The following VRK2 variants were observed in gnomAD, a reference collection of about 807,000 sequenced individuals.
The protein encoded by VRK2 is serine/threonine-protein kinase VRK2.
VRK2 carries 60 observed loss-of-function variants against 57.6 expected under a neutral mutation model. That is an observed-to-expected ratio of 1.04 (90% CI 0.85 to 1.29). VRK2 has a LOEUF of 1.29. Ranked by LOEUF, VRK2 falls within the 50% of genes most tolerant of loss-of-function variation. VRK2 has a pLI of 0.00. For synonymous variants in VRK2, 231 were observed against 199.2 expected (o/e 1.16, Z -1.35); for missense variants, 705 against 588.1 (o/e 1.20, Z -2.06).
chr2:58,091,659 T>C (rs1672395199), intron 7 of VRK2, among the ~76,000 whole-genome samples: 1 of 151,718 alleles, frequency 6.6e-6, no homozygotes, highest in Admixed American at 6.6e-5. Context: ...GGGAAATAGA[T>C]AGATAACAAA....
At chr2:58,141,577 T>C (rs1413044558) in intron 11 of VRK2, among the ~76,000 whole-genome samples, 1 of 152,012 alleles carries the variant, frequency 6.6e-6, no homozygotes, top group African/African-American at 2.4e-5. Context: ...CCTGGATGTA[T>C]AGACAGTAAG....
intron 1 of VRK2, among the ~76,000 whole-genome samples, chr2:57,983,415 A>T (rs896286406): frequency 2.0e-5 from 3 of 152,194 alleles, no homozygotes; most frequent in African/African-American, 7.2e-5. Flanking sequence ...CCTTAATCAC[A>T]TCTGCAAAGT....
At chr2:58,054,204 A>AT (rs954214329) in intron 2 of VRK2, among the ~76,000 whole-genome samples, 1 of 151,772 alleles carries the variant, frequency 6.6e-6, no homozygotes, top group South Asian at 2.1e-4. Flanking sequence ...TGGCTTTTTC[A>AT]TTTTTTTAAA....
intron 1 of VRK2, among the ~76,000 whole-genome samples, chr2:58,011,058 C>T (rs745431577): frequency 5.3e-4 from 80 of 152,270 alleles, no homozygotes; most frequent in Non-Finnish European, 9.9e-4. Context: ...AGGTCAGGTG[C>T]ATTGTTTTTA....
At chr2:58,095,489 ATTTC>A (rs1476499848) in intron 7 of VRK2, among the ~76,000 whole-genome samples, 1 of 151,790 alleles carries the variant, frequency 6.6e-6, no homozygotes, top group Non-Finnish European at 1.5e-5. Flanking sequence ...AGTTTTGCAT[ATTTC>A]TTATTATGTT....
Position 58,086,357 on chromosome 2 carries a change from G to A in VRK2, c.275G>A (p.Arg92His), listed in dbSNP as rs765840317. 6.1e-5 allele frequency: 98 copies of A among 1,603,874 alleles called. No homozygotes were observed. The highest frequency in any genetic ancestry group is 2.9e-4 in the South Asian group (26 of 88,628). Residue 92 changes from arginine (R) to histidine (H), a missense_variant, in exon 5 of 13, where the codon CGC (arginine) becomes CAC (histidine). Coordinates refer to ENST00000340157, the MANE Select transcript of VRK2 (RefSeq NM_006296.7). The stretch of plus-strand genomic sequence containing the variant: ...TTTGTAGTCAAAAAGTGGATAGAAC[G>A]CAAACAACTTGATTATTTAGGAATT... ...KKDCIKKWIE[R>H]KQLDYLGIPL... is the part of the protein sequence containing the mutation.
chr2:58,137,238 A>ATATGATACATG (rs1558687490), intron 10 of VRK2, among the ~76,000 whole-genome samples: 1 of 68,282 alleles, frequency 1.5e-5, no homozygotes, highest in Non-Finnish European at 3.7e-5. Context: ...TGATACATAT[A>ATATGATACATG]TATCATATAT....
At chr2:57,940,567 G>C (rs1339795969) in intron 1 of VRK2, among the ~76,000 whole-genome samples, 1 of 150,638 alleles carries the variant, frequency 6.6e-6, no homozygotes, top group Non-Finnish European at 1.5e-5. Context: ...TATTTAGAAA[G>C]AGCACTGTCC....
intron 1 of VRK2, among the ~76,000 whole-genome samples, chr2:58,008,754 T>A (rs1673331355): frequency 6.6e-6 from 1 of 152,150 alleles, no homozygotes. Flanking sequence ...TGGTTATATC[T>A]GATAAAGGAG....
At chr2:58,041,175 A>G in intron 3 of VRK2, 1 of 589,790 alleles carries the variant, frequency 1.7e-6, no homozygotes. Context: ...ACTTTTGGCT[A>G]GTCAATATTT....
chr2:58,006,086 C>T (rs769891967), intron 1 of VRK2, among the ~76,000 whole-genome samples: 1 of 152,144 alleles, frequency 6.6e-6, no homozygotes. Context: ...AAAAGTATAA[C>T]CCCTGAGGGT....
chr2:57,939,841 A>C (rs1002758285), intron 1 of VRK2, among the ~76,000 whole-genome samples: 1 of 152,228 alleles, frequency 6.6e-6, no homozygotes. Context: ...AAAAGATCAG[A>C]ATAATTAATT....
chr2:57,937,869 T>C (rs1670966709), intron 1 of VRK2, among the ~76,000 whole-genome samples: 1 of 147,810 alleles, frequency 6.8e-6, no homozygotes, highest in Admixed American at 6.9e-5. Flanking sequence ...TCTTGCCCTG[T>C]CTCCTAGGCT....
chr2:58,066,965 C>T (rs1668691668), intron 2 of VRK2, among the ~76,000 whole-genome samples: 1 of 152,154 alleles, frequency 6.6e-6, no homozygotes, highest in Non-Finnish European at 1.5e-5. Flanking sequence ...GAGAGGTAGA[C>T]CCACCCTCAA....
Position 58,142,690 on chromosome 2 carries a change from G to A in VRK2, c.1023+2858G>A, listed in dbSNP as rs1330538641. Among the ~76,000 whole-genome samples, 29 of 151,816 alleles carry A rather than the reference G, an allele frequency of 1.9e-4. 1 individual carries two copies. On this transcript the variant is annotated intron_variant, in intron 11 of 12. Coordinates refer to ENST00000340157, the MANE Select transcript of VRK2 (RefSeq NM_006296.7). Reference sequence around the variant, plus strand: ...ATATTTCAATAAGAATGCTTATTGAGGTGAGCTAAAGCTCTAGAATTCCCA... The same window carrying A: ...ATATTTCAATAAGAATGCTTATTGAAGTGAGCTAAAGCTCTAGAATTCCCA...
At chr2:58,137,195 T>TACATC (rs1558686956) in intron 10 of VRK2, among the ~76,000 whole-genome samples, 1 of 23,070 alleles carries the variant, frequency 4.3e-5, no homozygotes, top group African/African-American at 1.6e-4. Flanking sequence ...ATATGATACA[T>TACATC]ATATATCTCA....
At chr2:57,935,575 G>A (rs888551477) in intron 1 of VRK2, among the ~76,000 whole-genome samples, 1 of 152,128 alleles carries the variant, frequency 6.6e-6, no homozygotes, top group Non-Finnish European at 1.5e-5. Flanking sequence ...TGTCCCTTGT[G>A]GGTCCGGAGG....
intron 7 of VRK2, among the ~76,000 whole-genome samples, chr2:58,091,474 A>T (rs1045572816): frequency 6.6e-6 from 1 of 152,050 alleles, no homozygotes; most frequent in African/African-American, 2.4e-5. Flanking sequence ...TTTTTAATTT[A>T]ACTTAATTTA....
At chr2:57,985,349 T>C (rs1045509290) in intron 1 of VRK2, among the ~76,000 whole-genome samples, 2 of 152,048 alleles carry the variant, frequency 1.3e-5, no homozygotes, top group Non-Finnish European at 2.9e-5. Context: ...AACTTAGAAT[T>C]AATAAACGTA....
Sources: gnomAD v4.1 joint callset for allele counts (sites outside exome capture counted in the v4.1 genomes callset) on GRCh38, gnomAD v4.1.1 for gene constraint, MANE v1.5 for transcripts, NCBI Gene and HGNC (gene_info 2026-07-23, HGNC 2026-07-21) for gene names.